DLGAP2: variants seen among roughly 807,000 people sequenced by gnomAD.
DLGAP2 encodes the protein DLG associated protein 2.
Under a neutral mutation model 100.3 loss-of-function variants are expected in DLGAP2, and 26 were observed. The observed-to-expected ratio is 0.26, with a 90% CI of 0.19 to 0.36. The LOEUF (loss-of-function observed/expected upper bound fraction) is 0.36, where lower values mean the gene tolerates loss of function less well. DLGAP2 is among the 10% of genes least tolerant of loss of function. The pLI is 1.00. For synonymous variants in DLGAP2, 886 were observed against 630.1 expected (o/e 1.41, Z -6.08); for missense variants, 1,858 against 1,453.2 (o/e 1.28, Z -4.53).
At chr8:1,163,506 C>T (rs376640658) in intron 2 of DLGAP2, among the ~76,000 whole-genome samples, 1 of 152,228 alleles carries the variant, frequency 6.6e-6, no homozygotes, top group Non-Finnish European at 1.5e-5. Context: ...CACCAAGATT[C>T]CAAAGACTCG....
intron 2 of DLGAP2, among the ~76,000 whole-genome samples, chr8:1,104,441 A>G (rs974174047): frequency 1.3e-5 from 2 of 152,196 alleles, no homozygotes. Flanking sequence ...TTTGGTGACA[A>G]GAAGTCACGG....
In DLGAP2 at chr8:1,249,330, C is replaced by G. The variant is rs189088056; in HGVS notation, c.74-9521C>G. Among the ~76,000 whole-genome samples the G allele has an allele frequency of 2.5e-3, 373 of 152,232 alleles. 2 individuals are homozygous for G. Among genetic ancestry groups the G allele is most frequent in the Middle Eastern group, 3.4e-3 (1 of 294 alleles). On this transcript the variant is annotated intron_variant, in intron 2 of 14. Transcript: ENST00000637795. ...CAGCCTGCATGAGCGTCTCAGGGCC[C>G]CTCATTTGCCCATGAGTGGAGTGCA...
chr8:1,577,213 C>G (rs185981455), intron 6 of DLGAP2, among the ~76,000 whole-genome samples: 209 of 133,368 alleles, frequency 1.6e-3, no homozygotes, highest in Non-Finnish European at 3.1e-3. Context: ...CTACATTGTA[C>G]TTAAAATCAC....
intron 8 of DLGAP2, among the ~76,000 whole-genome samples, chr8:1,661,408 T>C (rs1250813673): frequency 1.3e-5 from 2 of 152,198 alleles, no homozygotes; most frequent in Non-Finnish European, 2.9e-5. Context: ...TAAGTTCTGC[T>C]GCTTACTGCA....
chr8:1,073,421 A>C (rs1193483652), intron 2 of DLGAP2, among the ~76,000 whole-genome samples: 1 of 152,230 alleles, frequency 6.6e-6, no homozygotes, highest in African/African-American at 2.4e-5. Flanking sequence ...CTATGATAGA[A>C]CTATTTTTGT....
At chr8:1,685,719 G>A (rs985667975) in intron 12 of DLGAP2, among the ~76,000 whole-genome samples, 10 of 151,352 alleles carry the variant, frequency 6.6e-5, no homozygotes, top group African/African-American at 2.4e-4. Flanking sequence ...GAATATACAA[G>A]GAGCTCAAAT....
intron 3 of DLGAP2, among the ~76,000 whole-genome samples, chr8:1,434,678 G>A (rs1398271956): frequency 6.6e-6 from 1 of 152,126 alleles, no homozygotes; most frequent in African/African-American, 2.4e-5. Context: ...GTGTCACTAT[G>A]TTGCCCTGGC....
intron 2 of DLGAP2, among the ~76,000 whole-genome samples, chr8:1,210,377 G>T (rs1295561253): frequency 3.3e-5 from 5 of 152,188 alleles, no homozygotes; most frequent in Non-Finnish European, 4.4e-5. Context: ...ACTGGATGCA[G>T]CCTGCAGCAG....
intron 4 of DLGAP2, among the ~76,000 whole-genome samples, chr8:1,517,587 C>T (rs1460946230): frequency 6.6e-6 from 1 of 152,194 alleles, no homozygotes; most frequent in Non-Finnish European, 1.5e-5. Flanking sequence ...GTGCTCTCCC[C>T]ATCCACCAGC....
chr8:1,443,322 T>C (rs977728826), intron 3 of DLGAP2, among the ~76,000 whole-genome samples: 5 of 152,150 alleles, frequency 3.3e-5, no homozygotes, highest in Admixed American at 6.5e-5. Context: ...AACATTTGGA[T>C]GTTAATACTT....
At chr8:1,064,397 C>T (rs1402001858) in intron 2 of DLGAP2, among the ~76,000 whole-genome samples, 2 of 152,150 alleles carry the variant, frequency 1.3e-5, no homozygotes, top group Non-Finnish European at 2.9e-5. Flanking sequence ...AACCAGGGTG[C>T]TGTTTGGGGA....
chr8:1,654,761 G>A (rs1050043592), intron 8 of DLGAP2, among the ~76,000 whole-genome samples: 10 of 151,244 alleles, frequency 6.6e-5, no homozygotes, highest in African/African-American at 1.9e-4. Context: ...TCTGTTTTTT[G>A]TGTGTGTTGA....
chr8:1,191,171 ACATT>A (rs1163592882), intron 2 of DLGAP2, among the ~76,000 whole-genome samples: 1 of 134,034 alleles, frequency 7.5e-6, no homozygotes, highest in Non-Finnish European at 1.7e-5. Flanking sequence ...ATAAGTAGAT[ACATT>A]TTTTTTTTTT....
chr8:1,281,688 C>T (rs1799816293), intron 3 of DLGAP2, among the ~76,000 whole-genome samples: 1 of 152,216 alleles, frequency 6.6e-6, no homozygotes, highest in Non-Finnish European at 1.5e-5. Context: ...CAGCTCCCCA[C>T]ACTCCCTAAG....
At chr8:1,190,881 C>T (rs1164613144) in intron 2 of DLGAP2, among the ~76,000 whole-genome samples, 5 of 152,106 alleles carry the variant, frequency 3.3e-5, no homozygotes, top group South Asian at 2.1e-4. Flanking sequence ...GGTCTGTGGC[C>T]GTTCAGTGCA....
At chr8:1,305,725 T>C (rs1443571961) in intron 3 of DLGAP2, among the ~76,000 whole-genome samples, 1 of 152,160 alleles carries the variant, frequency 6.6e-6, no homozygotes, top group African/African-American at 2.4e-5. Context: ...GTGTACCACC[T>C]AAAGCCTGGG....
intron 3 of DLGAP2, among the ~76,000 whole-genome samples, chr8:1,268,981 C>T (rs1186565347): frequency 6.6e-6 from 1 of 152,142 alleles, no homozygotes; most frequent in Non-Finnish European, 1.5e-5. Context: ...GTAGCTCAGC[C>T]GTAGTCCTTG....
At chr8:1,303,945 C>G (rs1286197002) in intron 3 of DLGAP2, among the ~76,000 whole-genome samples, 2 of 152,172 alleles carry the variant, frequency 1.3e-5, no homozygotes, top group African/African-American at 2.4e-5. Flanking sequence ...GCCGCTGATG[C>G]ACTCTCACAG....
At chr8:918,845 CA>C (rs1225016456) in intron 2 of DLGAP2, among the ~76,000 whole-genome samples, 2 of 152,192 alleles carry the variant, frequency 1.3e-5, no homozygotes, top group African/African-American at 4.8e-5. Flanking sequence ...GACATCAAAG[CA>C]TATTTTTTGA....
Sources: gnomAD v4.1 joint callset for allele counts (sites outside exome capture counted in the v4.1 genomes callset) on GRCh38, gnomAD v4.1.1 for gene constraint, MANE v1.5 for transcripts, NCBI Gene and HGNC (gene_info 2026-07-23, HGNC 2026-07-21) for gene names.